ATP11B: variants seen among roughly 807,000 people sequenced by gnomAD.
ATP11B encodes the protein ATPase phospholipid transporting 11B (putative), also known as phospholipid-transporting ATPase IF.
In ATP11B, 81 loss-of-function variants were observed where a neutral mutation model predicts 157.8. The ratio of observed to expected loss-of-function variants is 0.51; its 90% CI spans 0.43 to 0.62. The LOEUF (loss-of-function observed/expected upper bound fraction) is 0.62, where lower values mean the gene tolerates loss of function less well. Among genes scored for constraint, ATP11B ranks in the 20% least tolerant of loss-of-function variants. ATP11B has a pLI of 0.00. For missense variants in ATP11B, 1,165 were observed against 1,402.2 expected, an observed-to-expected ratio of 0.83 and a Z score of 2.70; for synonymous variants, 451 against 469.4, an observed-to-expected ratio of 0.96 and a Z score of 0.51.
chr3:182,866,116 A>G, intron 13 of ATP11B, 152 bp from the exon 14 acceptor site: 2 of 553,388 alleles, frequency 3.6e-6, no homozygotes, highest in Non-Finnish European at 6.0e-6. Context: ...CAAATGTGAC[A>G]TTTTACTTTT....
chr3:182,891,205 G>A (rs900554676), intron 25 of ATP11B, among the ~76,000 whole-genome samples: 2 of 152,166 alleles, frequency 1.3e-5, no homozygotes, highest in African/African-American at 4.8e-5. Flanking sequence ...AAACCGGACA[G>A]AATTAAGAGG....
At position 182,913,991 on chromosome 3, in the gene ATP11B, G is replaced by A. The variant is rs369505243; in HGVS notation, c.3449G>A (p.Ser1150Asn). The A allele has an allele frequency of 6.2e-7, 1 of 1,613,888 alleles. No individual in the cohort carries two copies. The highest frequency in any genetic ancestry group is 8.5e-7 in the Non-Finnish European group (1 of 1,179,818). Residue 1150 changes from serine to asparagine, a missense_variant, in exon 29 of 30, where the codon AGC becomes AAC. Transcript: ENST00000323116. ...GGAAGATGTAGTCCAACCCACATCA[G>A]CAGGTGTGAAATCTCTCTAAGTAGC... Reference protein sequence around the residue: ...VIGRCSPTHISRSWSASDPFY... With the variant: ...VIGRCSPTHINRSWSASDPFY...
At chr3:182,916,413 C>T (rs1327191785) in intron 29 of ATP11B, 1 of 985,208 alleles carries the variant, frequency 1.0e-6, no homozygotes. Context: ...TTGGTGATTA[C>T]ATTTGTACCA....
At chr3:182,798,706 G>A (rs1344511689) in intron 1 of ATP11B, among the ~76,000 whole-genome samples, 1 of 152,192 alleles carries the variant, frequency 6.6e-6, no homozygotes, top group Admixed American at 6.5e-5. Flanking sequence ...ATCCACATAT[G>A]GCTGTCGAAA....
chr3:182,900,019 T>G (rs1486837455), intron 28 of ATP11B, among the ~76,000 whole-genome samples: 8 of 152,224 alleles, frequency 5.3e-5, no homozygotes, highest in Admixed American at 5.2e-4. Flanking sequence ...GGAAATTTAG[T>G]TGTATATTCA....
At chr3:182,887,960 A>G (rs1202744998) in intron 24 of ATP11B, among the ~76,000 whole-genome samples, 2 of 152,224 alleles carry the variant, frequency 1.3e-5, no homozygotes, top group Admixed American at 1.3e-4. Flanking sequence ...TGTAATTTGC[A>G]CTTACTCTCG....
intron 1 of ATP11B, among the ~76,000 whole-genome samples, chr3:182,794,179 C>G (rs1417315351): frequency 1.3e-5 from 2 of 152,206 alleles, no homozygotes; most frequent in Non-Finnish European, 2.9e-5. Flanking sequence ...GAGAGGCGTG[C>G]TCTTCCTGCC....
At chr3:182,915,893 T>C (rs1421666712) in intron 29 of ATP11B, 2 of 966,344 alleles carry the variant, frequency 2.1e-6, no homozygotes, top group Non-Finnish European at 2.5e-6. Context: ...AATAAAATGT[T>C]TAACTTAGTA....
At chr3:182,802,426 C>T (rs1340078843) in intron 1 of ATP11B, among the ~76,000 whole-genome samples, 1 of 152,076 alleles carries the variant, frequency 6.6e-6, no homozygotes, top group East Asian at 1.9e-4. Context: ...ATCTGTATGC[C>T]AACCCCTACA....
rs539158391 is a variant in ATP11B, at chr3:182,865,085, C to T, written c.1201-371C>T. Among the ~76,000 whole-genome samples the T allele has an allele frequency of 5.3e-5, 8 of 152,212 alleles. No homozygotes were observed. The South Asian group carries it at 1.7e-3, about 32-fold the overall frequency. On this transcript the variant is annotated intron_variant, in intron 12 of 29. Coordinates refer to ENST00000323116, the MANE Select transcript of ATP11B (RefSeq NM_014616.3). ...CACTCGGATACCCTTTCCCATTCTA[C>T]ATTATTAAGCATCCTTTCCACCCTG...
chr3:182,836,912 C>T (rs1326655097), intron 6 of ATP11B, among the ~76,000 whole-genome samples, 159 bp from the exon 7 acceptor site: 2 of 152,018 alleles, frequency 1.3e-5, no homozygotes, highest in Admixed American at 6.6e-5. Context: ...TTCCTTTGCC[C>T]CTTGTTTATT....
chr3:182,864,582 G>A (rs914793027), intron 12 of ATP11B, among the ~76,000 whole-genome samples: 1 of 151,988 alleles, frequency 6.6e-6, no homozygotes, highest in Non-Finnish European at 1.5e-5. Flanking sequence ...TTTAAGTGTT[G>A]AGTCAATCTT....
intron 19 of ATP11B, among the ~76,000 whole-genome samples, chr3:182,876,054 T>C (rs1008021825): frequency 2.6e-5 from 4 of 151,914 alleles, no homozygotes; most frequent in Non-Finnish European, 4.4e-5. Flanking sequence ...ATCAGCCTGG[T>C]CAATGTAATG....
chr3:182,902,650 A>G, intron 28 of ATP11B: 1 of 835,100 alleles, frequency 1.2e-6, no homozygotes, highest in Middle Eastern at 2.7e-4. Flanking sequence ...GCAGAGGCAT[A>G]AATAAAGAGC....
intron 19 of ATP11B, among the ~76,000 whole-genome samples, chr3:182,879,284 G>C (rs1440278815): frequency 6.6e-6 from 1 of 152,072 alleles, no homozygotes; most frequent in African/African-American, 2.4e-5. Context: ...AAGAAAAATT[G>C]AATATTATCT....
At chr3:182,821,605 G>T (rs1262471890) in intron 2 of ATP11B, among the ~76,000 whole-genome samples, 2 of 152,156 alleles carry the variant, frequency 1.3e-5, no homozygotes, top group East Asian at 3.8e-4. Flanking sequence ...GTACTTTGCA[G>T]TAGACTTTTC....
chr3:182,843,646 G>C (rs1719230797), intron 8 of ATP11B: 1 of 152,188 alleles, frequency 6.6e-6, no homozygotes, highest in South Asian at 2.1e-4. Context: ...AAGACATGCT[G>C]ATAGGATATG....
At chr3:182,869,598 CAT>C (rs1721501016) in intron 17 of ATP11B, among the ~76,000 whole-genome samples, 1 of 152,176 alleles carries the variant, frequency 6.6e-6, no homozygotes, top group African/African-American at 2.4e-5. Context: ...ATTAAACAAA[CAT>C]AGGGGAATCC....
chr3:182,805,125 T>G (rs1437809892), intron 1 of ATP11B, among the ~76,000 whole-genome samples: 1 of 152,236 alleles, frequency 6.6e-6, no homozygotes, highest in Non-Finnish European at 1.5e-5. Context: ...GTATTTTCAT[T>G]TGGGCTTATA....
Sources: allele counts gnomAD v4.1 joint callset (sites outside exome capture counted in the v4.1 genomes callset), GRCh38; gene constraint gnomAD v4.1.1; transcripts MANE v1.5; gene names NCBI Gene and HGNC (gene_info 2026-07-23, HGNC 2026-07-21).